The following LRCH1 variants were observed in gnomAD, a reference collection of about 807,000 sequenced individuals.
The protein encoded by LRCH1 is leucine rich repeats and calponin homology domain containing 1.
In LRCH1, 23 loss-of-function variants were observed where a neutral mutation model predicts 94.9. The observed-to-expected ratio is 0.24, with a 90% CI of 0.17 to 0.34. The LOEUF (loss-of-function observed/expected upper bound fraction) is 0.34, where lower values mean the gene tolerates loss of function less well. Ranked by LOEUF, LRCH1 falls within the 10% of genes least tolerant of loss-of-function variation. LRCH1 has a pLI of 1.00. For synonymous variants in LRCH1, 364 were observed against 354.9 expected, an observed-to-expected ratio of 1.03 and a Z score of -0.29; for missense variants, 790 against 945.9, an observed-to-expected ratio of 0.84 and a Z score of 2.16.
chr13:46,688,669 T>C (rs1398065752), intron 6 of LRCH1, among the ~76,000 whole-genome samples: 1 of 152,232 alleles, frequency 6.6e-6, no homozygotes, highest in Non-Finnish European at 1.5e-5. Context: ...AATGTTACTT[T>C]TATATAATGC....
chr13:46,669,128 T>C lies in LRCH1; in HGVS notation c.551T>C (p.Ile184Thr). 3 of 1,614,120 alleles carry C rather than the reference T, an allele frequency of 1.9e-6. No individual in the cohort carries two copies. Among genetic ancestry groups the C allele is most frequent in the South Asian group, 2.2e-5 (2 of 91,074 alleles). Residue 184 changes from isoleucine to threonine, a missense_variant, in exon 3 of 20, where the codon ATA (isoleucine) becomes ACA (threonine). By Grantham distance (89) the Ile-to-Thr change is moderately conservative. Around this residue, in one of 3 missense-constraint regions of LRCH1, gnomAD observed 194 missense variants for 293.5 expected, o/e 0.66. Coordinates refer to ENST00000389797, the MANE Select transcript of LRCH1 (RefSeq NM_001164211.2). Reference protein sequence around the residue: ...NNKLGSLPEEIGQLKQLMELD... With the variant: ...NNKLGSLPEETGQLKQLMELD... The stretch of plus-strand genomic sequence containing the variant: ...AAACTTGGATCATTACCAGAAGAGA[T>C]AGGTCAGCTCAAACAGTTAATGGAG...
chr13:46,711,031 A>T (rs1420971215), intron 13 of LRCH1, among the ~76,000 whole-genome samples: 1 of 151,942 alleles, frequency 6.6e-6, no homozygotes, highest in African/African-American at 2.4e-5. Context: ...AATAATAATA[A>T]CTTCGAAACC....
intron 2 of LRCH1, among the ~76,000 whole-genome samples, chr13:46,667,930 T>C (rs7993628): frequency 0.64 from 96,725 of 152,126 alleles, 31,243 homozygotes; most frequent in Middle Eastern, 0.72. Context: ...CATACACAGA[T>C]ACATGCATGT....
chr13:46,553,229 C>CCCCCCCCCCCCCCCATAAAA lies in LRCH1; in HGVS notation c.-166_-165insCCCCCCCCCCCCATAAAACC. The CCCCCCCCCCCCCCCATAAAA allele has an allele frequency of 2.0e-6, 1 of 501,058 alleles. No homozygotes were observed. Among genetic ancestry groups the CCCCCCCCCCCCCCCATAAAA allele is most frequent in the Non-Finnish European group, 3.6e-6 (1 of 280,232 alleles). The allele number at this position is 501,058 out of a possible 1,614,324, so 31.0% of individuals were successfully genotyped here. A position where few individuals can be genotyped will look rare whatever the true frequency, so the allele number is the denominator to read the frequency against. On this transcript the variant is annotated 5_prime_UTR_variant, in exon 1 of 20. Transcript: ENST00000389797. ...AAGACCGAGCTGCCACGGCCGCCTC[C>CCCCCCCCCCCCCCCATAAAA]CCGCCCGCCCCCCATTCTACGCGCC...
At chr13:46,556,122 A>G (rs2050062399) in intron 1 of LRCH1, among the ~76,000 whole-genome samples, 1 of 152,250 alleles carries the variant, frequency 6.6e-6, no homozygotes, top group East Asian at 1.9e-4. Flanking sequence ...CCTAAGAGGC[A>G]AAGTGGATTT....
At position 46,723,350 on chromosome 13, in the gene LRCH1, T is replaced by G. The variant is rs762346613; in HGVS notation, c.1869+20T>G. 4 of 1,469,674 alleles carry G rather than the reference T, an allele frequency of 2.7e-6. No individual in the cohort carries two copies. The highest frequency in any genetic ancestry group is 3.8e-6 in the Non-Finnish European group (4 of 1,053,504). 91.0% of individuals were successfully genotyped at this position (1,469,674 alleles called of 1,614,324 possible). ...CGTGAGGTACCCAAGAAATATTATG[T>G]AACTAAAGGAGAATTTAAGCAACAT... On this transcript the variant is annotated intron_variant, in intron 17 of 19. Coordinates refer to ENST00000389797, the MANE Select transcript of LRCH1 (RefSeq NM_001164211.2).
In LRCH1 at chr13:46,689,177, A is replaced by G. The variant is rs777134866; in HGVS notation, c.995A>G (p.Lys332Arg). ...GGAGTTGGAAGTGATAATGGAGATA[A>G]GCGATTATCTGCCACCGAGGTAAAG... Reference protein sequence around the residue: ...DSGVGSDNGDKRLSATEPSDE... With the variant: ...DSGVGSDNGDRRLSATEPSDE... The change falls in exon 7 of 20, where the codon AAG becomes AGG. Residue 332 changes from lysine (K) to arginine (R), a missense_variant. Around this residue, in one of 3 missense-constraint regions of LRCH1, gnomAD observed 194 missense variants for 293.5 expected, o/e 0.66. Coordinates refer to ENST00000389797, the MANE Select transcript of LRCH1 (RefSeq NM_001164211.2). The G allele has an allele frequency of 1.2e-6, 2 of 1,611,640 alleles. No individual in the cohort carries two copies. Among genetic ancestry groups the G allele is most frequent in the Non-Finnish European group, 1.7e-6 (2 of 1,178,636 alleles).
At chr13:46,573,472 C>T (rs1460107714) in intron 1 of LRCH1, among the ~76,000 whole-genome samples, 2 of 152,118 alleles carry the variant, frequency 1.3e-5, no homozygotes, top group Admixed American at 1.3e-4. Flanking sequence ...GATTTGAAAG[C>T]ATCCTAAGTG....
exon 19 of LRCH1, chr13:46,752,048 T>C (rs1427067540): frequency 6.6e-6 from 1 of 152,532 alleles, no homozygotes; most frequent in African/African-American, 2.4e-5. Flanking sequence ...GTGCAGTAAG[T>C]GGAGTTTGTG....
In LRCH1 at chr13:46,728,985, G is replaced by T. The variant is rs1276334618; in HGVS notation, c.2007+1G>T. On this transcript the variant is annotated splice_donor_variant, in intron 18 of 19. Transcript: ENST00000389797. LOFTEE classifies it high-confidence loss of function. The stretch of plus-strand genomic sequence containing the variant: ...CATCCATGTCCCATCACCAGCGGTT[G>T]TAAGTAACACCAAAGGGAAACTAAC... The T allele has an allele frequency of 6.2e-7, 1 of 1,611,764 alleles. No homozygotes were observed.
chr13:46,678,365 G>C (rs530729036), intron 3 of LRCH1, among the ~76,000 whole-genome samples: 2 of 152,240 alleles, frequency 1.3e-5, no homozygotes, highest in East Asian at 1.9e-4. Context: ...TTTTTAAAAC[G>C]TGGCAAGTTT....
chr13:46,731,561 A>G (rs1363275511), intron 18 of LRCH1, among the ~76,000 whole-genome samples: 1 of 152,158 alleles, frequency 6.6e-6, no homozygotes, highest in Non-Finnish European at 1.5e-5. Flanking sequence ...TAATTTACTG[A>G]CTATAACATA....
In LRCH1 at chr13:46,717,319, A is replaced by G. The variant is rs375240792; in HGVS notation, c.1759+1655A>G. ...TTGTGGAAATCTTTCTAAAAATAAA[A>G]TAACCTTGCAATAGTTATTTTTTCT... On this transcript the variant is annotated intron_variant, in intron 16 of 19. Coordinates refer to ENST00000389797, the MANE Select transcript of LRCH1 (RefSeq NM_001164211.2). 3.3e-5 allele frequency: 5 copies of G among 152,348 alleles called. No individual in the cohort carries two copies. In the East Asian group the frequency reaches 7.7e-4, roughly 23 times the overall value. 9.4% of individuals were successfully genotyped at this position (152,348 alleles called of 1,614,324 possible). A position where few individuals can be genotyped will look rare whatever the true frequency, so the allele number is the denominator to read the frequency against.
intron 1 of LRCH1, among the ~76,000 whole-genome samples, chr13:46,603,694 G>A (rs1290098406): frequency 6.6e-6 from 1 of 151,994 alleles, no homozygotes; most frequent in Non-Finnish European, 1.5e-5. Flanking sequence ...ATGAGATGAG[G>A]GTCTCGCTTT....
chr13:46,588,727 A>T (rs766383143), intron 1 of LRCH1, among the ~76,000 whole-genome samples: 106 of 150,614 alleles, frequency 7.0e-4, no homozygotes, highest in Non-Finnish European at 1.1e-3. Flanking sequence ...TAGCCTCCCG[A>T]GTAGCTGGGA....
Position 46,723,263 on chromosome 13 carries a change from A to C in LRCH1, c.1802A>C (p.Gln601Pro). The C allele has an allele frequency of 6.2e-7, 1 of 1,613,924 alleles. No individual in the cohort carries two copies. The highest frequency in any genetic ancestry group is 8.5e-7 in the Non-Finnish European group (1 of 1,179,792). ...AGAAATTTGGAATCTATAGACCCGC[A>C]GTTTACAATCCGGAGGAAAATGGAG... ...PQRNLESIDP[Q>P]FTIRRKMEQM... Residue 601 changes from glutamine (Q) to proline (P), a missense_variant, in exon 17 of 20, where the codon CAG (glutamine) becomes CCG (proline). Around this residue, in one of 3 missense-constraint regions of LRCH1, gnomAD observed 460 missense variants for 508.9 expected, o/e 0.90. Coordinates refer to ENST00000389797, the MANE Select transcript of LRCH1 (RefSeq NM_001164211.2).
In LRCH1 at chr13:46,567,492, TTGTG is replaced by T. The variant is rs35848521; in HGVS notation, c.307+13821_307+13824del. 2.3e-3 allele frequency among the ~76,000 whole-genome samples: 323 copies of T among 141,918 alleles called. 2 individuals carry two copies. The highest frequency in any genetic ancestry group is 5.5e-3 in the East Asian group (27 of 4,930). The allele number at this position is 141,918 out of a possible 152,430, so 93.1% of individuals were successfully genotyped here. A position where few individuals can be genotyped will look rare whatever the true frequency, so the allele number is the denominator to read the frequency against. ...TCTCTGCATGCAATTTAAGGCAATTTTGTGTGTGTGTGTGTGTGTGTGTGTGTGT... is the reference window on the plus strand; with the variant it reads ...TCTCTGCATGCAATTTAAGGCAATTTTGTGTGTGTGTGTGTGTGTGTGTGT... On this transcript the variant is annotated intron_variant, in intron 1 of 19. Transcript: ENST00000389797.
In LRCH1 at chr13:46,742,788, G is replaced by T; in HGVS notation, c.*940G>T. ...AGCCATGAGCCGTGGAACATTCTTG[G>T]TCCTGGTGCTTGGGTTATGATGGCA... On this transcript the variant is annotated 3_prime_UTR_variant, in exon 20 of 20. Transcript: ENST00000389797. 2 of 985,354 alleles carry T rather than the reference G, an allele frequency of 2.0e-6. No homozygotes were observed. Among genetic ancestry groups the T allele is most frequent in the Non-Finnish European group, 2.4e-6 (2 of 829,914 alleles). The allele number at this position is 985,354 out of a possible 1,614,324, so 61.0% of individuals were successfully genotyped here.
At chr13:46,729,337 A>AT (rs1032882179) in intron 18 of LRCH1, among the ~76,000 whole-genome samples, 18 of 152,218 alleles carry the variant, frequency 1.2e-4, no homozygotes, top group Admixed American at 4.6e-4. Context: ...CAGGAGTTGT[A>AT]TTTTTTGTAG....
Sources: gnomAD v4.1 joint callset for allele counts (sites outside exome capture counted in the v4.1 genomes callset) on GRCh38, gnomAD v4.1.1 for gene constraint, gnomAD v4.1.1 regional missense constraint, MANE v1.5 for transcripts, NCBI Gene and HGNC (gene_info 2026-07-23, HGNC 2026-07-21) for gene names.